MVB12B: variants seen among roughly 807,000 people sequenced by gnomAD.
The protein encoded by MVB12B is multivesicular body subunit 12B.
MVB12B carries 16 observed loss-of-function variants against 41.6 expected under a neutral mutation model. The observed-to-expected ratio is 0.38, with a 90% CI of 0.26 to 0.58. The LOEUF (loss-of-function observed/expected upper bound fraction) is 0.58, where lower values mean the gene tolerates loss of function less well. Among genes scored for constraint, MVB12B ranks in the 20% least tolerant of loss-of-function variants. MVB12B has a pLI of 0.62. For synonymous variants in MVB12B, 133 were observed against 139.7 expected, an observed-to-expected ratio of 0.95 and a Z score of 0.34; for missense variants, 274 against 380.2, an observed-to-expected ratio of 0.72 and a Z score of 2.32.
chr9:126,378,711 G>A (rs1032405015), intron 2 of MVB12B, among the ~76,000 whole-genome samples: 8 of 151,312 alleles, frequency 5.3e-5, no homozygotes, highest in African/African-American at 9.7e-5. Context: ...ACACTTCCAC[G>A]TCATTGCAAA....
At chr9:126,496,374 C>T (rs1008150869) in intron 9 of MVB12B, among the ~76,000 whole-genome samples, 1 of 145,438 alleles carries the variant, frequency 6.9e-6, no homozygotes, top group African/African-American at 2.6e-5. Context: ...CCCATCCACT[C>T]AGCCACTACC....
At position 126,506,119 on chromosome 9, in the gene MVB12B, G is replaced by A. The variant is rs1459380299; in HGVS notation, c.*2856G>A. The stretch of plus-strand genomic sequence containing the variant: ...ATTAAGGCCTTTCTTCCCACCCCAA[G>A]TCCAAGAACAAATGCCAGCCACGTC... On this transcript the variant is annotated 3_prime_UTR_variant, in exon 10 of 10. Transcript: ENST00000361171. 6.6e-6 allele frequency: 1 copy of A among 152,464 alleles called. No homozygotes were observed. The highest frequency in any genetic ancestry group is 6.5e-5 in the Admixed American group (1 of 15,274). The allele number at this position is 152,464 out of a possible 1,614,324, so 9.4% of individuals were successfully genotyped here.
intron 7 of MVB12B, among the ~76,000 whole-genome samples, chr9:126,469,535 G>T (rs898480254): frequency 2.0e-5 from 3 of 152,242 alleles, no homozygotes; most frequent in Non-Finnish European, 2.9e-5. Flanking sequence ...TCAGCCTGGG[G>T]GACAGGCGTG....
chr9:126,488,116 G>A (rs920245923), intron 9 of MVB12B, among the ~76,000 whole-genome samples: 1 of 152,174 alleles, frequency 6.6e-6, no homozygotes, highest in African/African-American at 2.4e-5. Flanking sequence ...GGGAGTTGGG[G>A]GCTCAGGGAG....
At chr9:126,380,795 G>A (rs901003026) in intron 2 of MVB12B, among the ~76,000 whole-genome samples, 2 of 152,184 alleles carry the variant, frequency 1.3e-5, no homozygotes, top group African/African-American at 2.4e-5. Flanking sequence ...GGTCCATTAC[G>A]ACAAAAGTTG....
At chr9:126,350,328 T>C (rs1242857367) in intron 2 of MVB12B, among the ~76,000 whole-genome samples, 1 of 152,242 alleles carries the variant, frequency 6.6e-6, no homozygotes, top group Non-Finnish European at 1.5e-5. Context: ...AGCAAATGTT[T>C]TTAATTTTGA....
chr9:126,489,098 C>T (rs1833679470), intron 9 of MVB12B, among the ~76,000 whole-genome samples: 1 of 152,182 alleles, frequency 6.6e-6, no homozygotes, highest in African/African-American at 2.4e-5. Context: ...CTGAGGAGCC[C>T]CAGGGAGCAT....
chr9:126,356,620 G>C (rs141005865), intron 2 of MVB12B, among the ~76,000 whole-genome samples: 1 of 152,032 alleles, frequency 6.6e-6, no homozygotes, highest in South Asian at 2.1e-4. Flanking sequence ...GATTTAGTTT[G>C]GGTATTTTGT....
At position 126,340,419 on chromosome 9, in the gene MVB12B, C is replaced by G; in HGVS notation, c.82-89C>G. 6.6e-7 allele frequency: 1 copy of G among 1,505,526 alleles called. No individual in the cohort carries two copies. Among genetic ancestry groups the G allele is most frequent in the Non-Finnish European group, 9.1e-7 (1 of 1,097,438 alleles). 93.3% of individuals were successfully genotyped at this position (1,505,526 alleles called of 1,614,324 possible). A position where few individuals can be genotyped will look rare whatever the true frequency, so the allele number is the denominator to read the frequency against. ...GTATGTGAAACTCAGGGTATTTGCC[C>G]CAAGATTCTGGTTCTGTTTGAGACT... On this transcript the variant is annotated intron_variant, in intron 1 of 9. Coordinates refer to ENST00000361171, the MANE Select transcript of MVB12B (RefSeq NM_033446.3). The surrounding 1 kb of genome is among the most constrained non-coding windows in gnomAD (Gnocchi z 4.0).
rs16928952 is a variant in MVB12B at position 126,391,231 on chromosome 9, G to C, written c.410-835G>C. On this transcript the variant is annotated intron_variant, in intron 4 of 9. Transcript: ENST00000361171. This position sits in a 1 kb window ranked among gnomAD's most constrained non-coding sequence, Gnocchi z 4.4. ...AAAAACCTAACCTGAGTCTAATCGA[G>C]GCTTTAGCTCTGCCAGCCTACAGGA... Among the ~76,000 whole-genome samples the C allele has an allele frequency of 0.011, 1,648 of 152,280 alleles. 50 individuals carry two copies. Among genetic ancestry groups the C allele is most frequent in the East Asian group, 0.068 (352 of 5,170 alleles).
chr9:126,412,588 T>C (rs557981979), intron 6 of MVB12B, among the ~76,000 whole-genome samples: 1 of 152,294 alleles, frequency 6.6e-6, no homozygotes, highest in Non-Finnish European at 1.5e-5. Flanking sequence ...TTTGCCATCT[T>C]TTTTTCTGAT....
At chr9:126,497,658 G>A (rs1833866834) in intron 9 of MVB12B, among the ~76,000 whole-genome samples, 1 of 152,180 alleles carries the variant, frequency 6.6e-6, no homozygotes, top group Non-Finnish European at 1.5e-5. Context: ...GAGCATCCTG[G>A]CTTCTCCCTA....
At position 126,475,325 on chromosome 9, in the gene MVB12B, G is replaced by A. The variant is rs146140319; in HGVS notation, c.758-6044G>A. Among the ~76,000 whole-genome samples, 558 of 152,222 alleles carry A rather than the reference G, an allele frequency of 3.7e-3. 2 individuals carry two copies. Among genetic ancestry groups the A allele is most frequent in the African/African-American group, 0.013 (537 of 41,540 alleles). On this transcript the variant is annotated intron_variant, in intron 7 of 9. Coordinates refer to ENST00000361171, the MANE Select transcript of MVB12B (RefSeq NM_033446.3). ...TCATGCCCTGGGCACCCTTCACAGG[G>A]GTCACTTAAGGTTAGCATTGGTCTC... is the stretch of plus-strand genomic sequence containing the variant.
rs969220191 is a variant in MVB12B at position 126,468,997 on chromosome 9, T to C, written c.758-12372T>C. Among the ~76,000 whole-genome samples, 2 of 152,188 alleles carry C rather than the reference T, an allele frequency of 1.3e-5. No individual in the cohort carries two copies. Among genetic ancestry groups the C allele is most frequent in the African/African-American group, 2.4e-5 (1 of 41,440 alleles). On this transcript the variant is annotated intron_variant, in intron 7 of 9. Transcript: ENST00000361171. The surrounding 1 kb of genome is among the most constrained non-coding windows in gnomAD (Gnocchi z 4.3). ...ACTTATGCTGTGATGCTATTTTTAT[T>C]AAAAACACGAATACATACAAAACAA...
intron 2 of MVB12B, among the ~76,000 whole-genome samples, chr9:126,346,796 GAA>G (rs969791947): frequency 6.6e-6 from 1 of 152,238 alleles, no homozygotes; most frequent in African/African-American, 2.4e-5. Flanking sequence ...AAACTAAGGG[GAA>G]AAGTGTATTT....
intron 2 of MVB12B, among the ~76,000 whole-genome samples, chr9:126,377,964 G>C (rs1470840780): frequency 6.6e-6 from 1 of 152,240 alleles, no homozygotes; most frequent in African/African-American, 2.4e-5. Context: ...GCATGTTCGT[G>C]GGCTCCTGTG....
At chr9:126,350,008 A>G (rs1009686871) in intron 2 of MVB12B, among the ~76,000 whole-genome samples, 7 of 152,208 alleles carry the variant, frequency 4.6e-5, no homozygotes, top group African/African-American at 1.7e-4. Flanking sequence ...TGTTATCGTC[A>G]GTATTTTTTT....
chr9:126,393,839 C>A (rs867404484), intron 5 of MVB12B, among the ~76,000 whole-genome samples: 20 of 152,250 alleles, frequency 1.3e-4, no homozygotes, highest in Non-Finnish European at 2.8e-4. Flanking sequence ...CTGTCCTCCT[C>A]GGCTTCTGAG....
Position 126,340,413 on chromosome 9 carries a change from T to A in MVB12B, c.82-95T>A, listed in dbSNP as rs548539013. 1 of 1,447,666 alleles carries A rather than the reference T, an allele frequency of 6.9e-7. No homozygotes were observed. The highest frequency in any genetic ancestry group is 9.5e-7 in the Non-Finnish European group (1 of 1,047,914). The allele number at this position is 1,447,666 out of a possible 1,614,324, so 89.7% of individuals were successfully genotyped here. A position where few individuals can be genotyped will look rare whatever the true frequency, so the allele number is the denominator to read the frequency against. On this transcript the variant is annotated intron_variant, in intron 1 of 9. Coordinates refer to ENST00000361171, the MANE Select transcript of MVB12B (RefSeq NM_033446.3). The surrounding 1 kb of genome is among the most constrained non-coding windows in gnomAD (Gnocchi z 4.0). ...GTACAGGTATGTGAAACTCAGGGTA[T>A]TTGCCCCAAGATTCTGGTTCTGTTT...
Sources: allele counts gnomAD v4.1 joint callset (sites outside exome capture counted in the v4.1 genomes callset), GRCh38; gene constraint gnomAD v4.1.1; non-coding constraint Gnocchi (gnomAD v3.1); transcripts MANE v1.5; gene names NCBI Gene and HGNC (gene_info 2026-07-23, HGNC 2026-07-21).